Variants in NDFIP2 observed in about 807,000 individuals in gnomAD.
NDFIP2 encodes the protein NEDD4 family-interacting protein 2.
Under a neutral mutation model 36.0 loss-of-function variants are expected in NDFIP2, and 19 were observed. That is an observed-to-expected ratio of 0.53 (90% CI 0.37 to 0.77). The LOEUF is 0.77. Ranked by LOEUF, NDFIP2 falls within the 30% of genes least tolerant of loss-of-function variation. NDFIP2 has a pLI of 0.00. For synonymous variants in NDFIP2, 181 were observed against 167.7 expected, an observed-to-expected ratio of 1.08 and a Z score of -0.61; for missense variants, 446 against 435.8, an observed-to-expected ratio of 1.02 and a Z score of -0.21.
chr13:79,537,696 A>C (rs1875296072), intron 3 of NDFIP2, among the ~76,000 whole-genome samples: 1 of 152,176 alleles, frequency 6.6e-6, no homozygotes, highest in African/African-American at 2.4e-5. Flanking sequence ...TAGTGAGACT[A>C]CCATGATTGT....
rs1266404196 is a variant in NDFIP2, at chr13:79,510,528, CACACAGGGGAGAA to C, written c.322-10281_322-10269del. On this transcript the variant is annotated intron_variant, in intron 1 of 7. Coordinates refer to ENST00000218652, the MANE Select transcript of NDFIP2 (RefSeq NM_019080.3). ...AATGGAGTAAAAATTTATGAAGATA[CACACAGGGGAGAA>C]CCACAGAGTGATTACTGCCAACCCC... Among the ~76,000 whole-genome samples, 4 of 152,028 alleles carry C rather than the reference CACACAGGGGAGAA, an allele frequency of 2.6e-5. No individual in the cohort carries two copies. The East Asian group carries it at 7.7e-4, about 29-fold the overall frequency.
intron 1 of NDFIP2, among the ~76,000 whole-genome samples, chr13:79,487,018 A>C (rs1207035891): frequency 6.6e-6 from 1 of 152,124 alleles, no homozygotes; most frequent in Non-Finnish European, 1.5e-5. Flanking sequence ...ATCTAAACCT[A>C]ATTACCTCCT....
chr13:79,516,074 G>C (rs926777783), intron 1 of NDFIP2, among the ~76,000 whole-genome samples: 4 of 151,800 alleles, frequency 2.6e-5, no homozygotes, highest in Non-Finnish European at 5.9e-5. Context: ...TGATGAATTG[G>C]GTGGGACCCT....
chr13:79,513,156 A>G (rs968021476), intron 1 of NDFIP2, among the ~76,000 whole-genome samples: 6 of 152,204 alleles, frequency 3.9e-5, no homozygotes, highest in East Asian at 1.9e-4. Flanking sequence ...ACCAGTTGCC[A>G]TGCCAAAGGA....
intron 1 of NDFIP2, among the ~76,000 whole-genome samples, chr13:79,485,499 G>A (rs917927595): frequency 1.3e-5 from 2 of 152,186 alleles, no homozygotes; most frequent in South Asian, 2.1e-4. Context: ...CTGGAAAGAA[G>A]TGTTGCAGGC....
intron 1 of NDFIP2, among the ~76,000 whole-genome samples, chr13:79,500,166 C>CAAAAAAA (rs771690443): frequency 1.3e-5 from 1 of 76,058 alleles, no homozygotes; most frequent in Non-Finnish European, 3.0e-5. Flanking sequence ...GATCCCCATG[C>CAAAAAAA]AAAAAAAAAA....
chr13:79,515,275 T>C (rs1486372549), intron 1 of NDFIP2, among the ~76,000 whole-genome samples: 1 of 152,238 alleles, frequency 6.6e-6, no homozygotes, highest in Non-Finnish European at 1.5e-5. Flanking sequence ...AACGTCATTA[T>C]GTGGCATACA....
intron 2 of NDFIP2, among the ~76,000 whole-genome samples, chr13:79,530,039 G>T (rs1025085888): frequency 6.6e-6 from 1 of 152,222 alleles, no homozygotes; most frequent in Non-Finnish European, 1.5e-5. Context: ...ATGATCATCA[G>T]AGCTTCAGTG....
At chr13:79,528,096 C>CA (rs1365951909) in intron 2 of NDFIP2, among the ~76,000 whole-genome samples, 6 of 151,972 alleles carry the variant, frequency 3.9e-5, no homozygotes, top group Non-Finnish European at 8.8e-5. Flanking sequence ...CCCTCATCAA[C>CA]AAAAAATACA....
intron 1 of NDFIP2, 121 bp downstream of exon 1, chr13:79,481,645 GT>G: frequency 3.2e-6 from 4 of 1,259,844 alleles, no homozygotes; most frequent in Non-Finnish European, 4.3e-6. Context: ...GTTTTGTTTT[GT>G]TTTTTTGGAT....
At chr13:79,481,922 G>C (rs1310834910) in intron 1 of NDFIP2, among the ~76,000 whole-genome samples, 1 of 152,146 alleles carries the variant, frequency 6.6e-6, no homozygotes, top group East Asian at 1.9e-4. Flanking sequence ...TACCTGCCCG[G>C]AAGGTGATCG....
At chr13:79,502,239 T>C (rs1873695047) in intron 1 of NDFIP2, among the ~76,000 whole-genome samples, 1 of 152,184 alleles carries the variant, frequency 6.6e-6, no homozygotes, top group African/African-American at 2.4e-5. Context: ...TGTTCTTTTT[T>C]TAGTTTATTC....
At chr13:79,515,940 T>G (rs369549402) in intron 1 of NDFIP2, among the ~76,000 whole-genome samples, 838 of 100,002 alleles carry the variant, frequency 8.4e-3, no homozygotes, top group Admixed American at 0.011. Flanking sequence ...TTTTTTTGGG[T>G]GGGGGGCAGG....
intron 1 of NDFIP2, among the ~76,000 whole-genome samples, chr13:79,514,818 T>TC (rs1417394495): frequency 4.6e-5 from 7 of 152,260 alleles, no homozygotes; most frequent in African/African-American, 1.2e-4. Flanking sequence ...TGCTTAATTA[T>TC]CCCCCCCTTA....
chr13:79,506,359 A>C (rs1428015107), intron 1 of NDFIP2, among the ~76,000 whole-genome samples: 2 of 152,164 alleles, frequency 1.3e-5, no homozygotes, highest in Non-Finnish European at 2.9e-5. Flanking sequence ...ACATCTTTTC[A>C]TGAACATTTC....
chr13:79,535,954 G>A (rs1024275813), intron 3 of NDFIP2, among the ~76,000 whole-genome samples: 1 of 152,282 alleles, frequency 6.6e-6, no homozygotes, highest in South Asian at 2.1e-4. Context: ...TAGCATTTGA[G>A]TACATTCAGT....
At chr13:79,502,494 C>T (rs554115176) in intron 1 of NDFIP2, among the ~76,000 whole-genome samples, 1 of 152,180 alleles carries the variant, frequency 6.6e-6, no homozygotes, top group African/African-American at 2.4e-5. Flanking sequence ...AGATAAGACT[C>T]TTTAAAGTTG....
chr13:79,548,512 TCAAA>T, intron 6 of NDFIP2, 118 bp downstream of exon 6: 1 of 777,274 alleles, frequency 1.3e-6, no homozygotes, highest in Non-Finnish European at 2.1e-6. Context: ...ATTCTCATAT[TCAAA>T]CACATCATCT....
At chr13:79,486,511 G>A (rs909798122) in intron 1 of NDFIP2, among the ~76,000 whole-genome samples, 3 of 152,286 alleles carry the variant, frequency 2.0e-5, no homozygotes, top group African/African-American at 7.2e-5. Context: ...TTTAATATTT[G>A]TTTATGGTTC....
Sources: gnomAD v4.1 joint callset for allele counts (sites outside exome capture counted in the v4.1 genomes callset) on GRCh38, gnomAD v4.1.1 for gene constraint, MANE v1.5 for transcripts, NCBI Gene and HGNC (gene_info 2026-07-23, HGNC 2026-07-21) for gene names.